The following NUP205 variants were observed in gnomAD, a reference collection of about 807,000 sequenced individuals.
NUP205 encodes nucleoporin 205.
In NUP205, 76 loss-of-function variants were observed where a neutral mutation model predicts 253.8. The observed-to-expected ratio is 0.30, with a 90% CI of 0.25 to 0.36. The LOEUF (loss-of-function observed/expected upper bound fraction) is 0.36. Ranked by LOEUF, NUP205 falls within the 10% of genes least tolerant of loss-of-function variation. The pLI is 1.00. For missense variants in NUP205, 2,162 were observed against 2,425.5 expected, an observed-to-expected ratio of 0.89 and a Z score of 2.28; for synonymous variants, 832 against 850.1, an observed-to-expected ratio of 0.98 and a Z score of 0.37.
chr7:135,608,823 G>A (rs373869432), intron 22 of NUP205, among the ~76,000 whole-genome samples: 3 of 152,028 alleles, frequency 2.0e-5, no homozygotes, highest in South Asian at 4.2e-4. Flanking sequence ...AGGCTTGGCC[G>A]CGTGCAGTGA....
At chr7:135,588,138 A>G (rs1806523960) in intron 10 of NUP205, 146 bp downstream of exon 10, 1 of 522,264 alleles carries the variant, frequency 1.9e-6, no homozygotes, top group East Asian at 3.7e-5. Context: ...TTTAAATTTT[A>G]TTTATTTATT....
intron 1 of NUP205, among the ~76,000 whole-genome samples, chr7:135,559,847 A>G (rs996566062): frequency 9.9e-5 from 15 of 151,106 alleles, no homozygotes; most frequent in Non-Finnish European, 2.1e-4. Context: ...GCCCGCCACC[A>G]TGCTTGGCTA....
chr7:135,622,450 A>G (rs183719023), intron 30 of NUP205, among the ~76,000 whole-genome samples: 1 of 151,376 alleles, frequency 6.6e-6, no homozygotes, highest in African/African-American at 2.4e-5. Flanking sequence ...AAAAAAAAAG[A>G]CTGATGAGCA....
intron 1 of NUP205, among the ~76,000 whole-genome samples, chr7:135,566,713 A>G (rs1805769434): frequency 1.3e-5 from 2 of 151,600 alleles, no homozygotes; most frequent in African/African-American, 2.4e-5. Context: ...TATTATACTG[A>G]TATCTTTGGA....
At chr7:135,600,287 T>A (rs1286693510) in intron 15 of NUP205, among the ~76,000 whole-genome samples, 1 of 152,210 alleles carries the variant, frequency 6.6e-6, no homozygotes, top group African/African-American at 2.4e-5. Flanking sequence ...TGGGAATATT[T>A]GGGGCAAGCC....
rs539719218 is a variant in NUP205 at position 135,563,335 on chromosome 7, A to G, written c.28+5363A>G. Reference sequence around the variant, plus strand: ...CCCTAGCAGCTGGGACTACAGGCGCATGCCATCACGCCTGGCTAATTTTTT... The same window carrying G: ...CCCTAGCAGCTGGGACTACAGGCGCGTGCCATCACGCCTGGCTAATTTTTT... On this transcript the variant is annotated intron_variant, in intron 1 of 42. Coordinates refer to ENST00000285968, the MANE Select transcript of NUP205 (RefSeq NM_015135.3). 7.2e-5 allele frequency among the ~76,000 whole-genome samples: 11 copies of G among 152,056 alleles called. No individual in the cohort carries two copies. In the East Asian group the frequency reaches 1.2e-3, roughly 16 times the overall value.
intron 21 of NUP205, 76 bp downstream of exon 21, chr7:135,606,991 C>G: frequency 7.1e-7 from 1 of 1,403,844 alleles, no homozygotes. Context: ...GCATTCTGGG[C>G]TCATGGGATA....
rs1409873653 is a variant in NUP205 at position 135,571,385 on chromosome 7, C to T, written c.171+138C>T. On this transcript the variant is annotated intron_variant, in intron 2 of 42. Transcript: ENST00000285968. ...TTACTGTGCCACAGTCTCATGAGGT[C>T]CTGATGACATGTACCCCTAAACGCT... 3 of 413,188 alleles carry T rather than the reference C, an allele frequency of 7.3e-6. No individual in the cohort carries two copies. The East Asian group carries it at 1.3e-4, about 18-fold the overall frequency. The allele number at this position is 413,188 out of a possible 1,614,324, so 25.6% of individuals were successfully genotyped here.
chr7:135,612,060 C>T (rs750344533), intron 22 of NUP205, among the ~76,000 whole-genome samples: 5 of 151,988 alleles, frequency 3.3e-5, no homozygotes, highest in Non-Finnish European at 7.4e-5. Flanking sequence ...GTGGAGCTTG[C>T]AGTGAGCCGA....
chr7:135,558,213 A>G (rs905649260), intron 1 of NUP205: 1 of 566,768 alleles, frequency 1.8e-6, no homozygotes, highest in Admixed American at 2.9e-5. Flanking sequence ...CGCTGGACCC[A>G]GGTGTGTAAT....
chr7:135,575,303 A>C (rs1306334332), intron 3 of NUP205, among the ~76,000 whole-genome samples: 3 of 152,190 alleles, frequency 2.0e-5, no homozygotes, highest in African/African-American at 7.2e-5. Context: ...CAAAATGAGT[A>C]AGCATACATC....
At chr7:135,585,059 A>AT in intron 8 of NUP205, 52 bp downstream of exon 8, 1 of 1,407,044 alleles carries the variant, frequency 7.1e-7, no homozygotes, top group Non-Finnish European at 9.6e-7. Flanking sequence ...TTATAAAATA[A>AT]TTTAAAACTG....
chr7:135,604,435 T>C lies in NUP205; in HGVS notation c.2798T>C (p.Leu933Ser). 6.2e-7 allele frequency: 1 copy of C among 1,606,464 alleles called. No individual in the cohort carries two copies. The highest frequency in any genetic ancestry group is 1.7e-4 in the Middle Eastern group (1 of 6,010). Residue 933 changes from leucine (L) to serine (S), a missense_variant, in exon 19 of 43, where the codon TTG becomes TCG. Leu to Ser is a moderately radical substitution (Grantham distance 145). Transcript: ENST00000285968. Reference protein sequence around the residue: ...ISCNSNIQIKLVGDFTHDQSI... With the variant: ...ISCNSNIQIKSVGDFTHDQSI... ...TGCAACTCTAATATTCAGATAAAGTTGGTTGGAGATTTCACACATGACCAG... is the reference window on the plus strand; with the variant it reads ...TGCAACTCTAATATTCAGATAAAGTCGGTTGGAGATTTCACACATGACCAG...
rs769116129 is a variant in NUP205 at position 135,577,917 on chromosome 7, C to A, written c.770C>A (p.Thr257Lys). ...LLLIGHLERV[T>K]VEANGSLDAV... ...CTCATTGGACATTTGGAAAGAGTGA[C>A]AGTTGAGGCTAATGGCTCACTGGAT... Residue 257 changes from threonine to lysine, a missense_variant, in exon 6 of 43, where the codon ACA (threonine) becomes AAA (lysine). Around this residue, in one of 5 missense-constraint regions of NUP205, gnomAD observed 892 missense variants for 957.1 expected, o/e 0.93. Transcript: ENST00000285968. 6.2e-7 allele frequency: 1 copy of A among 1,614,018 alleles called. No homozygotes were observed. The highest frequency in any genetic ancestry group is 8.5e-7 in the Non-Finnish European group (1 of 1,179,950).
Position 135,594,634 on chromosome 7 carries a change from C to G in NUP205, c.1918C>G (p.Pro640Ala), listed in dbSNP as rs747009128. The G allele has an allele frequency of 6.2e-7, 1 of 1,613,686 alleles. No homozygotes were observed. Among genetic ancestry groups the G allele is most frequent in the African/African-American group, 1.3e-5 (1 of 74,870 alleles). The change falls in exon 13 of 43, where the codon CCT becomes GCT. Residue 640 changes from proline to alanine, a missense_variant. Physicochemically the swap from Pro to Ala is conservative, Grantham distance 27 (BLOSUM62 -1). Transcript: ENST00000285968. ...ILGLLQCSIP[P>A]VLKAELLKTL... ...GGGACTCCTCCAATGCAGTATTCCC[C>G]CTGTCCTAAAAGCTGAGCTACTGAA...
chr7:135,577,890 T>G lies in NUP205; in HGVS notation c.743T>G (p.Leu248Arg), dbSNP rs780682308. Residue 248 changes from leucine (L) to arginine (R), a missense_variant, in exon 6 of 43, where the codon CTC becomes CGC. Around this residue, in one of 5 missense-constraint regions of NUP205, gnomAD observed 892 missense variants for 957.1 expected, o/e 0.93. Coordinates refer to ENST00000285968, the MANE Select transcript of NUP205 (RefSeq NM_015135.3). ...CCTTTAGGCAAAGAAGACACTCTCC[T>G]CCTCATTGGACATTTGGAAAGAGTG... is the stretch of plus-strand genomic sequence containing the variant. ...QSPLGKEDTL[L>R]LIGHLERVTV... 1.9e-6 allele frequency: 3 copies of G among 1,614,132 alleles called. No individual in the cohort carries two copies. The South Asian group carries it at 3.3e-5, about 18-fold the overall frequency.
chr7:135,583,079 G>T (rs1373542260), intron 7 of NUP205, among the ~76,000 whole-genome samples: 3 of 152,156 alleles, frequency 2.0e-5, no homozygotes, highest in Non-Finnish European at 4.4e-5. Flanking sequence ...GACAGAGCGA[G>T]ACTCCATCTC....
Position 135,578,825 on chromosome 7 carries a change from C to T in NUP205, c.952C>T (p.Gln318Ter). The change falls in exon 7 of 43, where the codon CAG (glutamine) becomes TAG (stop). Residue 318 changes from glutamine (Q) to a stop codon, truncating the protein, a stop_gained. Coordinates refer to ENST00000285968, the MANE Select transcript of NUP205 (RefSeq NM_015135.3). LOFTEE classifies it high-confidence loss of function. ...ATIHSRLQDS[Q>*]LWKLPGLQAT... The stretch of plus-strand genomic sequence containing the variant: ...AATTCACTCTCGTCTTCAGGACTCA[C>T]AGCTTTGGAAACTGCCTGGGCTCCA... 2 of 1,612,468 alleles carry T rather than the reference C, an allele frequency of 1.2e-6. No homozygotes were observed. The highest frequency in any genetic ancestry group is 1.7e-6 in the Non-Finnish European group (2 of 1,179,460).
intron 39 of NUP205, 104 bp from the exon 40 acceptor site, chr7:135,644,791 A>G: frequency 9.1e-7 from 1 of 1,094,132 alleles, no homozygotes; most frequent in Non-Finnish European, 1.3e-6. Context: ...TTTAAATTTG[A>G]GTGTTTTTCA....
Sources: gnomAD v4.1 joint callset for allele counts (sites outside exome capture counted in the v4.1 genomes callset) on GRCh38, gnomAD v4.1.1 for gene constraint, gnomAD v4.1.1 regional missense constraint, MANE v1.5 for transcripts, NCBI Gene and HGNC (gene_info 2026-07-23, HGNC 2026-07-21) for gene names.